Variants in SLC5A6 observed in about 807,000 individuals in gnomAD.
SLC5A6 encodes solute carrier family 5 member 6.
Under a neutral mutation model 67.9 loss-of-function variants are expected in SLC5A6, and 31 were observed. The observed-to-expected ratio is 0.46, with a 90% CI of 0.34 to 0.62. The LOEUF is 0.62. Among genes scored for constraint, SLC5A6 ranks in the 20% least tolerant of loss-of-function variants. SLC5A6 has a pLI of 0.01. For synonymous variants in SLC5A6, 343 were observed against 331.0 expected (o/e 1.04, Z -0.39); for missense variants, 673 against 812.8 (o/e 0.83, Z 2.09).
rs750963442 is a variant in SLC5A6 at position 27,201,973 on chromosome 2, AG to A, written c.1362+14del. 3 of 1,611,570 alleles carry A rather than the reference AG, an allele frequency of 1.9e-6. No individual in the cohort carries two copies. Among genetic ancestry groups the A allele is most frequent in the Non-Finnish European group, 8.5e-7 (1 of 1,177,612 alleles). ...TCCTGCTACACATGACTGTGGATCC[AG>A]ATGCATCACTCACAGGAGGGTTAGC... On this transcript the variant is annotated intron_variant, in intron 13 of 16. Transcript: ENST00000310574.
chr2:27,205,207 C>G (rs1673965857), intron 7 of SLC5A6, 143 bp downstream of exon 7: 1 of 841,330 alleles, frequency 1.2e-6, no homozygotes, highest in Non-Finnish European at 1.8e-6. Context: ...CCCTCCATCT[C>G]TGCAGGACCA....
Position 27,201,086 on chromosome 2 carries a change from G to A in SLC5A6, c.1676C>T (p.Pro559Leu), listed in dbSNP as rs1167900008. The A allele has an allele frequency of 1.2e-6, 2 of 1,613,772 alleles. No individual in the cohort carries two copies. The highest frequency in any genetic ancestry group is 1.1e-5 in the South Asian group (1 of 91,018). ...TGGCAACACTGGGTAAATGGTTGCAGGGTTCAGGGACCGGCCTCGCATTCT... is the reference window on the plus strand; with the variant it reads ...TGGCAACACTGGGTAAATGGTTGCAAGGTTCAGGGACCGGCCTCGCATTCT... ...TGRMRGRSLN[P>L]ATIYPVLPKL... The change falls in exon 16 of 17, where the codon CCT becomes CTT. Residue 559 changes from proline (P) to leucine (L), a missense_variant. Pro to Leu is a moderately conservative substitution (Grantham distance 98). Coordinates refer to ENST00000310574, the MANE Select transcript of SLC5A6 (RefSeq NM_021095.4).
At position 27,212,218 on chromosome 2, in the gene SLC5A6, A is replaced by T. The variant is rs969637389; in HGVS notation, c.-406T>A. The T allele has an allele frequency of 1.3e-6, 2 of 1,559,148 alleles. No homozygotes were observed. The highest frequency in any genetic ancestry group is 1.7e-6 in the Non-Finnish European group (2 of 1,151,924). Reference sequence around the variant, plus strand: ...GGCTAGGGCGCATGAAGACCAGCGCAGAGCTCCACGAGCAGGAAAAGCCCC... The same window carrying T: ...GGCTAGGGCGCATGAAGACCAGCGCTGAGCTCCACGAGCAGGAAAAGCCCC... On this transcript the variant is annotated 5_prime_UTR_variant, in exon 1 of 17. Transcript: ENST00000310574.
At chr2:27,206,164 T>G in intron 5 of SLC5A6, 71 bp from the exon 6 acceptor site, 1 of 1,261,712 alleles carries the variant, frequency 7.9e-7, no homozygotes, top group Non-Finnish European at 1.2e-6. Flanking sequence ...GGTAGGGCAA[T>G]CACGTCATGC....
upstream of SLC5A6, chr2:27,212,417 G>A (rs1327601343): frequency 1.3e-6 from 2 of 1,554,308 alleles, no homozygotes; most frequent in East Asian, 2.4e-5. Flanking sequence ...GCCCTGGGCT[G>A]CCGCCCTGCT....
chr2:27,205,159 C>T, intron 7 of SLC5A6, 191 bp downstream of exon 7: 3 of 713,012 alleles, frequency 4.2e-6, no homozygotes, highest in Non-Finnish European at 6.9e-6. Flanking sequence ...AGGTAATGTC[C>T]TGACTCTCTA....
upstream of SLC5A6, chr2:27,212,307 C>T: frequency 6.5e-7 from 1 of 1,549,724 alleles, no homozygotes; most frequent in Non-Finnish European, 8.7e-7. Flanking sequence ...GGGCCTGACG[C>T]GCTGCGGGGC....
In SLC5A6 at chr2:27,207,486, A is replaced by G; in HGVS notation, c.165T>C (p.Thr55=). The change falls in exon 3 of 17, where the codon ACT becomes ACC. Residue 55 remains threonine, a synonymous_variant. Coordinates refer to ENST00000310574, the MANE Select transcript of SLC5A6 (RefSeq NM_021095.4). The surrounding 1 kb of genome is among the most constrained non-coding windows in gnomAD (Gnocchi z 5.5). ...YHACRGWGRH[T]VGELLMADRK... Reference sequence around the variant, plus strand: ...GGTCCGCCATCAGCAGCTCACCAACAGTATGCCGGCCCCAGCCACGACAAG... The same window carrying G: ...GGTCCGCCATCAGCAGCTCACCAACGGTATGCCGGCCCCAGCCACGACAAG... 6.2e-7 allele frequency: 1 copy of G among 1,614,216 alleles called. No homozygotes were observed. Among genetic ancestry groups the G allele is most frequent in the Non-Finnish European group, 8.5e-7 (1 of 1,180,044 alleles).
intron 1 of SLC5A6, 168 bp downstream of exon 1, chr2:27,211,852 G>A: frequency 5.2e-6 from 1 of 191,734 alleles, no homozygotes; most frequent in South Asian, 1.3e-4. Context: ...CGGCTCAGAC[G>A]CCGCTCCCCG....
rs1488717614 is a variant in SLC5A6 at position 27,207,996 on chromosome 2, C to T, written c.-140-206G>A. Among the ~76,000 whole-genome samples, 1 of 152,208 alleles carries T rather than the reference C, an allele frequency of 6.6e-6. No homozygotes were observed. Among genetic ancestry groups the T allele is most frequent in the Admixed American group, 6.5e-5 (1 of 15,280 alleles). ...ACAGCCAGGAGACAATATAACTTGG[C>T]CAGGACCTTTGAGTATGCACAGCTG... On this transcript the variant is annotated intron_variant, in intron 2 of 16. Coordinates refer to ENST00000310574, the MANE Select transcript of SLC5A6 (RefSeq NM_021095.4). The surrounding 1 kb of genome is among the most constrained non-coding windows in gnomAD (Gnocchi z 5.5).
intron 4 of SLC5A6, 36 bp downstream of exon 4, chr2:27,206,841 T>A: frequency 6.6e-7 from 1 of 1,526,122 alleles, no homozygotes; most frequent in Non-Finnish European, 9.1e-7. Flanking sequence ...TCCCCCAACA[T>A]GCCCTAGGCT....
In SLC5A6 at chr2:27,204,950, A is replaced by T; in HGVS notation, c.735-19T>A. The T allele has an allele frequency of 6.2e-7, 1 of 1,610,686 alleles. No individual in the cohort carries two copies. On this transcript the variant is annotated intron_variant, in intron 7 of 16. Coordinates refer to ENST00000310574, the MANE Select transcript of SLC5A6 (RefSeq NM_021095.4). ...ATCCAGCCTGTAACAGACACCACCC[A>T]GTCATTGTGCAAAGCCTGAGAGACA...
chr2:27,201,417 G>A lies in SLC5A6; in HGVS notation c.1581C>T (p.Tyr527=). The A allele has an allele frequency of 6.2e-7, 1 of 1,613,536 alleles. No homozygotes were observed. ...TGLQRFYSLS[Y]LWYSAHNSTT... is the part of the protein sequence containing the mutation. Reference sequence around the variant, plus strand: ...TGGAGTTGTGAGCACTGTACCATAAGTAAGACAAGGAATAGAACCGCTGCA... The same window carrying A: ...TGGAGTTGTGAGCACTGTACCATAAATAAGACAAGGAATAGAACCGCTGCA... Residue 527 remains tyrosine (Y), a synonymous_variant, in exon 15 of 17, where the codon TAC becomes TAT. Transcript: ENST00000310574.
At chr2:27,203,467 T>C in intron 10 of SLC5A6, 122 bp from the exon 11 acceptor site, 3 of 837,768 alleles carry the variant, frequency 3.6e-6, no homozygotes, top group Non-Finnish European at 5.6e-6. Flanking sequence ...AACCTCCTCA[T>C]AGTTGGACTT....
At chr2:27,210,098 T>C (rs764854509) in intron 2 of SLC5A6, among the ~76,000 whole-genome samples, 1 of 152,122 alleles carries the variant, frequency 6.6e-6, no homozygotes, top group Non-Finnish European at 1.5e-5. Flanking sequence ...GAGAGGTAGG[T>C]GGCCAGAGAC....
At position 27,200,087 on chromosome 2, in the gene SLC5A6, C is replaced by T. The variant is rs1451009304; in HGVS notation, c.*349G>A. ...CCCTGGGGCAATTATAACCAGAGTGCTGTTTCTAGCCACTTACTTCAAAGG... is the reference window on the plus strand; with the variant it reads ...CCCTGGGGCAATTATAACCAGAGTGTTGTTTCTAGCCACTTACTTCAAAGG... On this transcript the variant is annotated 3_prime_UTR_variant, in exon 17 of 17. Coordinates refer to ENST00000310574, the MANE Select transcript of SLC5A6 (RefSeq NM_021095.4). 7 of 180,708 alleles carry T rather than the reference C, an allele frequency of 3.9e-5. No homozygotes were observed. Among genetic ancestry groups the T allele is most frequent in the Non-Finnish European group, 8.1e-5 (7 of 86,380 alleles). 11.2% of individuals were successfully genotyped at this position (180,708 alleles called of 1,614,324 possible).
rs561711611 is a variant in SLC5A6 at position 27,203,979 on chromosome 2, G to A, written c.1006-112C>T. On this transcript the variant is annotated intron_variant, in intron 9 of 16. Coordinates refer to ENST00000310574, the MANE Select transcript of SLC5A6 (RefSeq NM_021095.4). ...CCCAGCGAGTCTACCGAGACTGGGTGCATTACAAGGGAAGCCAGGGCCTGG... is the reference window on the plus strand; with the variant it reads ...CCCAGCGAGTCTACCGAGACTGGGTACATTACAAGGGAAGCCAGGGCCTGG... The A allele has an allele frequency of 7.0e-4, 519 of 742,702 alleles. 2 individuals are homozygous for A. The highest frequency in any genetic ancestry group is 6.3e-3 in the South Asian group (368 of 58,512). The allele number at this position is 742,702 out of a possible 1,614,324, so 46.0% of individuals were successfully genotyped here.
At position 27,199,622 on chromosome 2, in the gene SLC5A6, C is replaced by G. The variant is rs1331463193; in HGVS notation, c.*814G>C. ...AATGGTAGTTTTTATTCCCCAGGAACAAAGATAATGTGGAGAAGAAACTCC... is the reference window on the plus strand; with the variant it reads ...AATGGTAGTTTTTATTCCCCAGGAAGAAAGATAATGTGGAGAAGAAACTCC... On this transcript the variant is annotated 3_prime_UTR_variant, in exon 17 of 17. Coordinates refer to ENST00000310574, the MANE Select transcript of SLC5A6 (RefSeq NM_021095.4). 6.6e-6 allele frequency: 1 copy of G among 152,480 alleles called. No homozygotes were observed. The highest frequency in any genetic ancestry group is 1.9e-4 in the East Asian group (1 of 5,326). 9.4% of individuals were successfully genotyped at this position (152,480 alleles called of 1,614,324 possible).
rs766209210 is a variant in SLC5A6 at position 27,205,448 on chromosome 2, G to A, written c.636C>T (p.Leu212=). 1.5e-5 allele frequency: 25 copies of A among 1,613,988 alleles called. No homozygotes were observed. Among genetic ancestry groups the A allele is most frequent in the Admixed American group, 8.3e-5 (5 of 59,988 alleles). Residue 212 remains leucine (L), a synonymous_variant, in exon 7 of 17, where the codon CTC becomes CTT. Coordinates refer to ENST00000310574, the MANE Select transcript of SLC5A6 (RefSeq NM_021095.4). The part of the protein sequence containing the change: ...TDVFQTLVMF[L]GQLAVIIVGS... ...CCACAATGATAACTGCCAGCTGCCC[G>A]AGGAACATGACCAGTGTCTGGAACA... is the stretch of plus-strand genomic sequence containing the variant.
Sources: gnomAD v4.1 joint callset for allele counts (sites outside exome capture counted in the v4.1 genomes callset) on GRCh38, gnomAD v4.1.1 for gene constraint, Gnocchi (gnomAD v3.1) non-coding constraint, MANE v1.5 for transcripts, NCBI Gene and HGNC (gene_info 2026-07-23, HGNC 2026-07-21) for gene names.